Variants in INPP5J observed in about 807,000 individuals in gnomAD.
The protein encoded by INPP5J is phosphatidylinositol 4,5-bisphosphate 5-phosphatase A.
A neutral mutation model predicts 86.6 loss-of-function variants in INPP5J; 75 were observed. That is an observed-to-expected ratio of 0.87 (90% CI 0.72 to 1.05). The LOEUF (loss-of-function observed/expected upper bound fraction) is 1.05. Ranked by LOEUF, INPP5J falls within the 50% of genes least tolerant of loss-of-function variation. The pLI is 0.00. For synonymous variants in INPP5J, 540 were observed against 550.0 expected (o/e 0.98, Z 0.25); for missense variants, 1,229 against 1,341.2 (o/e 0.92, Z 1.31).
chr22:31,124,292 G>C, intron 1 of INPP5J: 1 of 987,710 alleles, frequency 1.0e-6, no homozygotes, highest in Non-Finnish European at 1.2e-6. Flanking sequence ...CTGTAACCAA[G>C]GGATTTGGAT....
intron 5 of INPP5J, 129 bp from the exon 6 acceptor site, chr22:31,127,228 C>T: frequency 1.1e-6 from 1 of 907,470 alleles, no homozygotes; most frequent in East Asian, 2.6e-5. Flanking sequence ...CCACTGTGTC[C>T]CAGCGTTGTT....
intron 9 of INPP5J, among the ~76,000 whole-genome samples, chr22:31,129,468 G>A (rs1921861367): frequency 6.8e-6 from 1 of 147,950 alleles, no homozygotes; most frequent in South Asian, 2.2e-4. Flanking sequence ...TTGAACTGCT[G>A]ACCTCAGGTG....
In INPP5J at chr22:31,133,981, G is replaced by A; in HGVS notation, c.2583G>A (p.Glu861=). The part of the protein sequence containing the change: ...TDSSGTSSEG[E]DDSTLELLAP... ...GCTCAGGCACCAGCTCAGAGGGAGA[G>A]GATGACAGCACACTGGAGCTCCTTG... The change falls in exon 13 of 13, where the codon GAG becomes GAA. Residue 861 remains glutamate (E), a synonymous_variant. Transcript: ENST00000331075. 1 of 1,613,236 alleles carries A rather than the reference G, an allele frequency of 6.2e-7. No homozygotes were observed. The highest frequency in any genetic ancestry group is 1.7e-5 in the Admixed American group (1 of 60,020).
At position 31,127,506 on chromosome 22, in the gene INPP5J, G is replaced by T. The variant is rs150180341; in HGVS notation, c.1761G>T (p.Pro587=). The T allele has an allele frequency of 1.2e-6, 2 of 1,613,460 alleles. No individual in the cohort carries two copies. Among genetic ancestry groups the T allele is most frequent in the Non-Finnish European group, 1.7e-6 (2 of 1,179,662 alleles). ...TILSLQQFQG[P]GAQGILDHDL... ...TCAGCCTCCAGCAGTTCCAAGGGCC[G>T]GGCGCACAGGGCATCCTGGATCATG... The change falls in exon 6 of 13, where the codon CCG becomes CCT. Residue 587 remains proline, a synonymous_variant. Coordinates refer to ENST00000331075, the MANE Select transcript of INPP5J (RefSeq NM_001284285.2).
chr22:31,125,670 G>A lies in INPP5J; in HGVS notation c.931G>A (p.Gly311Ser), dbSNP rs1289536039. The change falls in exon 2 of 13, where the codon GGT becomes AGT. Residue 311 changes from glycine (G) to serine (S), a missense_variant. Physicochemically the swap from Gly to Ser is moderately conservative, Grantham distance 56 (BLOSUM62 0). Coordinates refer to ENST00000331075, the MANE Select transcript of INPP5J (RefSeq NM_001284285.2). ...PQTLPLDVGQ[G>S]PSEPGTHSPG... ...GACCTTGCCCTTGGATGTGGGCCAG[G>A]GTCCTTCAGAGCCTGGCACTCACTC... The A allele has an allele frequency of 1.3e-6, 2 of 1,550,466 alleles. No individual in the cohort carries two copies. The highest frequency in any genetic ancestry group is 1.7e-6 in the Non-Finnish European group (2 of 1,146,986).
At chr22:31,123,545 G>A (rs998231496) in intron 1 of INPP5J, among the ~76,000 whole-genome samples, 1 of 152,204 alleles carries the variant, frequency 6.6e-6, no homozygotes, top group African/African-American at 2.4e-5. Flanking sequence ...TGTGACACTT[G>A]GAGCCAAGGA....
Position 31,124,827 on chromosome 22 carries a change from T to C in INPP5J, c.106-18T>C. 1 of 1,597,760 alleles carries C rather than the reference T, an allele frequency of 6.3e-7. No homozygotes were observed. The highest frequency in any genetic ancestry group is 8.6e-7 in the Non-Finnish European group (1 of 1,169,050). ...CCTGGTTAGGGTCACTCTGAATCTT[T>C]GACTTGTCCTCCACAAGGTGGACTC... On this transcript the variant is annotated intron_variant, in intron 1 of 12. Coordinates refer to ENST00000331075, the MANE Select transcript of INPP5J (RefSeq NM_001284285.2).
Position 31,126,438 on chromosome 22 carries a change from T to A in INPP5J, c.1334T>A (p.Leu445His). 6.2e-7 allele frequency: 1 copy of A among 1,613,758 alleles called. No homozygotes were observed. The highest frequency in any genetic ancestry group is 1.3e-5 in the African/African-American group (1 of 75,008). ...AMPPDDVTSL[L>H]HLGGGDDSDG... ...CCCCCAGACGATGTCACATCCCTCC[T>A]CCACCTGGGCGGTGGTGACGACAGC... The change falls in exon 3 of 13, where the codon CTC (leucine) becomes CAC (histidine). Residue 445 changes from leucine to histidine, a missense_variant. Transcript: ENST00000331075.
At position 31,124,929 on chromosome 22, in the gene INPP5J, CCA is replaced by C. The variant is rs745692484; in HGVS notation, c.192_193del (p.Arg65GlyfsTer28). ...AAGGTTGGCTCTGGCACCTGTAGGG[CCA>C]CGGGCAGCTATGTCAGCTTCCTCGG... ...EPRLALAPVGPRAAMSASSEG... is the reference protein window; with the variant it reads ...EPRLALAPVGXRAAMSASSEG... On this transcript the variant is annotated frameshift_variant, in exon 2 of 13. Coordinates refer to ENST00000331075, the MANE Select transcript of INPP5J (RefSeq NM_001284285.2). LOFTEE classifies it high-confidence loss of function. The C allele has an allele frequency of 6.2e-7, 1 of 1,613,500 alleles. No homozygotes were observed. Among genetic ancestry groups the C allele is most frequent in the Non-Finnish European group, 8.5e-7 (1 of 1,179,700 alleles).
intron 5 of INPP5J, 121 bp downstream of exon 5, chr22:31,127,158 C>A (rs571185815): frequency 5.3e-5 from 44 of 833,040 alleles, no homozygotes; most frequent in Middle Eastern, 6.3e-4. Context: ...GCGGCCCAGC[C>A]CCCCCATGCA....
Position 31,134,051 on chromosome 22 carries a change from C to T in INPP5J, c.2653C>T (p.Arg885Cys), listed in dbSNP as rs1454980131. Reference sequence around the variant, plus strand: ...CAGTCCTGGCAAGTCCAAGCGACACCGCAGCCGCAGCCCGGGACTGGCCAG... The same window carrying T: ...CAGTCCTGGCAAGTCCAAGCGACACTGCAGCCGCAGCCCGGGACTGGCCAG... ...SPSPGKSKRH[R>C]SRSPGLARFP... is the part of the protein sequence containing the mutation. Residue 885 changes from arginine (R) to cysteine (C), a missense_variant, in exon 13 of 13, where the codon CGC becomes TGC. Arg to Cys is a radical substitution (Grantham distance 180). Transcript: ENST00000331075. 5.7e-6 allele frequency: 9 copies of T among 1,588,368 alleles called. No homozygotes were observed. Among genetic ancestry groups the T allele is most frequent in the East Asian group, 2.3e-5 (1 of 43,060 alleles).
rs1451748165 is a variant in INPP5J, at chr22:31,133,309, G to C, written c.2331+74G>C. ...AGGAGCAGCTGAACAGCATGGTGGGGTCACTGGCTTGTCCAGATCTTGATG... is the reference window on the plus strand; with the variant it reads ...AGGAGCAGCTGAACAGCATGGTGGGCTCACTGGCTTGTCCAGATCTTGATG... On this transcript the variant is annotated intron_variant, in intron 10 of 12. Transcript: ENST00000331075. The C allele has an allele frequency of 1.8e-5, 29 of 1,599,892 alleles. No homozygotes were observed. The South Asian group carries it at 3.1e-4, about 17-fold the overall frequency.
chr22:31,126,261 T>A (rs1921407983), intron 2 of INPP5J, 115 bp from the exon 3 acceptor site: 1 of 946,262 alleles, frequency 1.1e-6, no homozygotes, highest in Admixed American at 2.1e-5. Flanking sequence ...TGGGTCCTTC[T>A]TAGGGCTTTG....
intron 9 of INPP5J, among the ~76,000 whole-genome samples, chr22:31,129,202 T>C (rs1312192490): frequency 2.1e-5 from 3 of 145,300 alleles, no homozygotes; most frequent in Non-Finnish European, 4.5e-5. Context: ...AGTGCTGGGA[T>C]TACAGGCGTG....
intron 7 of INPP5J, 24 bp downstream of exon 7, chr22:31,128,086 A>G: frequency 6.4e-7 from 1 of 1,554,630 alleles, no homozygotes; most frequent in South Asian, 1.1e-5. Flanking sequence ...CCCCAGAAGC[A>G]CACAGAGCAT....
At chr22:31,128,738 A>AAT in intron 9 of INPP5J, 84 bp downstream of exon 9, 2 of 1,210,254 alleles carry the variant, frequency 1.7e-6, no homozygotes, top group South Asian at 1.5e-5. Flanking sequence ...CCCTTTGTAT[A>AAT]ACCCCTTGTA....
rs145629087 is a variant in INPP5J at position 31,125,519 on chromosome 22, T to G, written c.780T>G (p.Ser260=). 4.1e-4 allele frequency: 637 copies of G among 1,550,504 alleles called. 1 individual carries two copies. In the African/African-American group the frequency reaches 7.9e-3, roughly 19 times the overall value. ...ATCTCCAGCCTCCAGCTCAGACATC[T>G]GGTCCTACAGGCTCCCCACCCTGCA... is the stretch of plus-strand genomic sequence containing the variant. The part of the protein sequence containing the change: ...EGHLQPPAQT[S]GPTGSPPCIQ... The change falls in exon 2 of 13, where the codon TCT becomes TCG. Residue 260 remains serine, a synonymous_variant. Coordinates refer to ENST00000331075, the MANE Select transcript of INPP5J (RefSeq NM_001284285.2).
intron 10 of INPP5J, 21 bp from the exon 11 acceptor site, chr22:31,133,385 T>G (rs1356415244): frequency 6.2e-7 from 1 of 1,612,792 alleles, no homozygotes; most frequent in East Asian, 2.2e-5. Context: ...CAACACTGAT[T>G]CCACAACACT....
Position 31,134,484 on chromosome 22 carries a change from G to T in INPP5J, c.*65G>T. On this transcript the variant is annotated 3_prime_UTR_variant, in exon 13 of 13. Transcript: ENST00000331075. ...GCCTCAATCTTTTGCAAGCCCACCT[G>T]CCTCTCTCCTGCTGCTCCTCCAGCT... 1 of 1,389,224 alleles carries T rather than the reference G, an allele frequency of 7.2e-7. No homozygotes were observed. Among genetic ancestry groups the T allele is most frequent in the Non-Finnish European group, 9.4e-7 (1 of 1,060,950 alleles). The allele number at this position is 1,389,224 out of a possible 1,614,324, so 86.1% of individuals were successfully genotyped here.
Sources: allele counts gnomAD v4.1 joint callset (sites outside exome capture counted in the v4.1 genomes callset), GRCh38; gene constraint gnomAD v4.1.1; transcripts MANE v1.5; gene names NCBI Gene and HGNC (gene_info 2026-07-23, HGNC 2026-07-21).